The following AP3S1 variants were observed in gnomAD, a reference collection of about 807,000 sequenced individuals.
AP3S1 encodes AP-3 complex subunit sigma-1.
A neutral mutation model predicts 21.3 loss-of-function variants in AP3S1; 12 were observed. That is an observed-to-expected ratio of 0.56 (90% CI 0.36 to 0.91). The LOEUF (loss-of-function observed/expected upper bound fraction) is 0.91, where lower values mean the gene tolerates loss of function less well. Ranked by LOEUF, AP3S1 falls within the 40% of genes least tolerant of loss-of-function variation. The probability of loss-of-function intolerance (pLI) is 0.01; values close to 1 mark genes in which losing one functional copy is unlikely to be tolerated. For synonymous variants in AP3S1, 48 were observed against 78.4 expected (o/e 0.61, Z 2.05); for missense variants, 116 against 225.0 (o/e 0.52, Z 3.10).
chr5:115,869,539 T>C (rs984037022), intron 2 of AP3S1, among the ~76,000 whole-genome samples: 2 of 152,246 alleles, frequency 1.3e-5, no homozygotes, highest in African/African-American at 4.8e-5. Context: ...CTTTTAGTAC[T>C]TACTACCTTA....
chr5:115,851,835 G>T (rs1023981937), intron 1 of AP3S1, among the ~76,000 whole-genome samples: 2 of 150,832 alleles, frequency 1.3e-5, no homozygotes, highest in African/African-American at 2.5e-5. Context: ...TTACGTTTTT[G>T]TTGTTGTTGT....
At chr5:115,878,872 T>C (rs1749007452) in intron 3 of AP3S1, among the ~76,000 whole-genome samples, 1 of 152,222 alleles carries the variant, frequency 6.6e-6, no homozygotes, top group African/African-American at 2.4e-5. Context: ...TCTTATTTCC[T>C]TGAGCAGTAG....
intron 1 of AP3S1, 47 bp from the exon 2 acceptor site, chr5:115,866,623 T>G (rs1429770920): frequency 7.7e-7 from 1 of 1,292,964 alleles, no homozygotes; most frequent in African/African-American, 1.5e-5. Context: ...AAAATGCTAT[T>G]AAACCTATAC....
intron 3 of AP3S1, among the ~76,000 whole-genome samples, chr5:115,878,313 C>T (rs185306015): frequency 6.6e-6 from 1 of 152,134 alleles, no homozygotes; most frequent in Non-Finnish European, 1.5e-5. Flanking sequence ...AGGTTTTCTT[C>T]TAGGGTTTTT....
Position 115,858,006 on chromosome 5 carries a change from T to C in AP3S1, c.70-8664T>C, listed in dbSNP as rs1291675241. Among the ~76,000 whole-genome samples the C allele has an allele frequency of 2.6e-5, 4 of 152,350 alleles. 1 individual carries two copies. The highest frequency in any genetic ancestry group is 2.6e-4 in the Admixed American group (4 of 15,296). ...CCAGTTGTCTGAATCATACACATCT[T>C]TTCTCAGTTTTAGGTTCTTAAATAA... On this transcript the variant is annotated intron_variant, in intron 1 of 5. Transcript: ENST00000316788.
chr5:115,860,694 A>G (rs963499025), intron 1 of AP3S1, among the ~76,000 whole-genome samples: 3 of 152,202 alleles, frequency 2.0e-5, no homozygotes, highest in African/African-American at 7.2e-5. Context: ...ACACTTATTT[A>G]AACACTTTCA....
At chr5:115,855,595 C>T (rs1051587794) in intron 1 of AP3S1, among the ~76,000 whole-genome samples, 1 of 152,208 alleles carries the variant, frequency 6.6e-6, no homozygotes, top group African/African-American at 2.4e-5. Flanking sequence ...CCACCTTGGC[C>T]TCCCAAAGTG....
At chr5:115,887,195 T>C (rs1749865009) in intron 3 of AP3S1, among the ~76,000 whole-genome samples, 1 of 152,186 alleles carries the variant, frequency 6.6e-6, no homozygotes, top group East Asian at 1.9e-4. Flanking sequence ...ATATTTGTAA[T>C]GGTATTTTTT....
chr5:115,863,069 C>T (rs368717268), intron 1 of AP3S1, among the ~76,000 whole-genome samples: 1 of 152,086 alleles, frequency 6.6e-6, no homozygotes, highest in South Asian at 2.1e-4. Context: ...TCGAGACCAG[C>T]CTGGCCAATA....
At chr5:115,872,877 T>A (rs1456416897) in intron 3 of AP3S1, among the ~76,000 whole-genome samples, 1 of 152,142 alleles carries the variant, frequency 6.6e-6, no homozygotes, top group Non-Finnish European at 1.5e-5. Context: ...AGAAAAAAAA[T>A]TAATATAGAA....
intron 1 of AP3S1, among the ~76,000 whole-genome samples, chr5:115,848,316 A>G (rs1762207663): frequency 6.6e-6 from 1 of 152,196 alleles, no homozygotes; most frequent in Non-Finnish European, 1.5e-5. Flanking sequence ...AGAATGTCCC[A>G]GTGAATAGGA....
chr5:115,907,065 T>A, intron 5 of AP3S1: 1 of 895,428 alleles, frequency 1.1e-6, no homozygotes, highest in South Asian at 5.2e-5. Context: ...ATATCATTGA[T>A]GTCATGTTTG....
At position 115,908,998 on chromosome 5, in the gene AP3S1, C is replaced by A. The variant is rs190529252; in HGVS notation, c.454-4364C>A. ...CTGTTAGGTCAAAATTATGAATGTG[C>A]ATATAGCAACTTCCAGCAGGAAGGG... On this transcript the variant is annotated intron_variant, in intron 5 of 5. Coordinates refer to ENST00000316788, the MANE Select transcript of AP3S1 (RefSeq NM_001284.4). 1.5e-3 allele frequency: 1,443 copies of A among 983,870 alleles called. 2 individuals carry two copies. Among genetic ancestry groups the A allele is most frequent in the Non-Finnish European group, 1.7e-3 (1,373 of 828,986 alleles). 60.9% of individuals were successfully genotyped at this position (983,870 alleles called of 1,614,324 possible).
At chr5:115,907,882 A>C (rs886454508) in intron 5 of AP3S1, among the ~76,000 whole-genome samples, 2 of 152,154 alleles carry the variant, frequency 1.3e-5, no homozygotes, top group African/African-American at 4.8e-5. Context: ...AAGCAAAAGA[A>C]ATGTTTATAA....
intron 1 of AP3S1, among the ~76,000 whole-genome samples, chr5:115,860,118 A>T (rs1763067091): frequency 6.6e-6 from 1 of 152,212 alleles, no homozygotes; most frequent in African/African-American, 2.4e-5. Flanking sequence ...GGCCACCCTC[A>T]TTCCTTGCTC....
chr5:115,887,853 G>A (rs1431602027), intron 3 of AP3S1, among the ~76,000 whole-genome samples: 1 of 152,054 alleles, frequency 6.6e-6, no homozygotes, highest in Non-Finnish European at 1.5e-5. Flanking sequence ...TGGCCTGGAT[G>A]TATAGGTTAC....
In AP3S1 at chr5:115,856,726, G is replaced by A. The variant is rs191170415; in HGVS notation, c.70-9944G>A. Among the ~76,000 whole-genome samples the A allele has an allele frequency of 5.3e-5, 8 of 152,212 alleles. No individual in the cohort carries two copies. In the East Asian group the frequency reaches 1.2e-3, roughly 22 times the overall value. The stretch of plus-strand genomic sequence containing the variant: ...TGGCTTCAAGCAATCCTCCGGCCTC[G>A]GCCTCCCAAAGTGCTGGGATTACAA... On this transcript the variant is annotated intron_variant, in intron 1 of 5. Transcript: ENST00000316788.
At chr5:115,877,808 C>T (rs1748868891) in intron 3 of AP3S1, among the ~76,000 whole-genome samples, 1 of 152,164 alleles carries the variant, frequency 6.6e-6, no homozygotes, top group African/African-American at 2.4e-5. Context: ...CTAATTTACA[C>T]TCCCACCAAC....
intron 1 of AP3S1, among the ~76,000 whole-genome samples, chr5:115,843,013 A>G (rs564573923): frequency 1.1e-4 from 16 of 152,314 alleles, no homozygotes; most frequent in African/African-American, 3.8e-4. Flanking sequence ...ACTGTTTAGT[A>G]TGGACAAGTG....
Sources: gnomAD v4.1 joint callset for allele counts (sites outside exome capture counted in the v4.1 genomes callset) on GRCh38, gnomAD v4.1.1 for gene constraint, MANE v1.5 for transcripts, NCBI Gene and HGNC (gene_info 2026-07-23, HGNC 2026-07-21) for gene names.